IDH3A: variants seen among roughly 807,000 people sequenced by gnomAD.
IDH3A encodes isocitrate dehydrogenase [NAD] subunit alpha, mitochondrial.
Under a neutral mutation model 43.3 loss-of-function variants are expected in IDH3A, and 23 were observed. The ratio of observed to expected loss-of-function variants is 0.53; its 90% confidence interval spans 0.38 to 0.75. IDH3A has a LOEUF of 0.75. IDH3A is among the 30% of genes least tolerant of loss of function. IDH3A has a pLI of 0.00. For synonymous variants in IDH3A, 154 were observed against 163.5 expected, an observed-to-expected ratio of 0.94 and a Z score of 0.44; for missense variants, 329 against 474.4, an observed-to-expected ratio of 0.69 and a Z score of 2.85.
chr15:78,157,467 A>T (rs1470185771), intron 2 of IDH3A, 81 bp from the exon 3 acceptor site: 1 of 963,832 alleles, frequency 1.0e-6, no homozygotes, highest in East Asian at 2.5e-5. Flanking sequence ...CATAAAGTGG[A>T]TTTCTCTGTC....
intron 2 of IDH3A, among the ~76,000 whole-genome samples, chr15:78,156,085 C>T (rs953023155): frequency 2.0e-5 from 3 of 152,086 alleles, no homozygotes; most frequent in African/African-American, 7.2e-5. Context: ...GTTGGGAGAA[C>T]AGGAAGAAGT....
chr15:78,166,490 T>G (rs1378186914), intron 10 of IDH3A, 188 bp downstream of exon 10: 4 of 635,422 alleles, frequency 6.3e-6, no homozygotes, highest in Non-Finnish European at 1.1e-5. Flanking sequence ...TTTTCTGAGG[T>G]GAGGATCTAG....
At position 78,166,194 on chromosome 15, in the gene IDH3A, T is replaced by C; in HGVS notation, c.909T>C (p.Asn303=). 6.2e-7 allele frequency: 1 copy of C among 1,614,196 alleles called. No individual in the cohort carries two copies. Among genetic ancestry groups the C allele is most frequent in the African/African-American group, 1.3e-5 (1 of 75,050 alleles). Residue 303 remains asparagine (N), a synonymous_variant, in exon 10 of 11, where the codon AAT becomes AAC. Transcript: ENST00000299518. ...APDIAGKDMA[N]PTALLLSAVM... ...ACATTGCAGGCAAGGACATGGCGAA[T>C]CCCACAGCCCTCCTGCTCAGTGCCG...
At position 78,166,245 on chromosome 15, in the gene IDH3A, T is replaced by A. The variant is rs2074741480; in HGVS notation, c.960T>A (p.Leu320=). ...SAVMMLRHMG[L]FDHAARIEAA... is the part of the protein sequence containing the mutation. ...TGATGATGCTGCGCCACATGGGACT[T>A]TTTGACCATGCTGCAAGAATTGAGG... Residue 320 remains leucine (L), a synonymous_variant, in exon 10 of 11, where the codon CTT becomes CTA. Transcript: ENST00000299518. The A allele has an allele frequency of 1.9e-6, 3 of 1,614,010 alleles. No homozygotes were observed. Among genetic ancestry groups the A allele is most frequent in the African/African-American group, 1.3e-5 (1 of 74,922 alleles).
intron 2 of IDH3A, 99 bp from the exon 3 acceptor site, chr15:78,157,449 A>T: frequency 1.2e-6 from 1 of 823,498 alleles, no homozygotes; most frequent in Non-Finnish European, 1.9e-6. Context: ...AATCTTCCTG[A>T]GACATCTCAT....
rs139984513 is a variant in IDH3A, at chr15:78,166,209, G to A, written c.924G>A (p.Leu308=). Residue 308 remains leucine, a synonymous_variant, in exon 10 of 11, where the codon CTG becomes CTA. Coordinates refer to ENST00000299518, the MANE Select transcript of IDH3A (RefSeq NM_005530.3). ...GKDMANPTAL[L]LSAVMMLRHM... ...ACATGGCGAATCCCACAGCCCTCCT[G>A]CTCAGTGCCGTGATGATGCTGCGCC... 1 of 1,614,080 alleles carries A rather than the reference G, an allele frequency of 6.2e-7. No individual in the cohort carries two copies. Among genetic ancestry groups the A allele is most frequent in the East Asian group, 2.2e-5 (1 of 44,882 alleles).
intron 1 of IDH3A, among the ~76,000 whole-genome samples, chr15:78,150,360 C>T (rs963364647): frequency 6.6e-6 from 1 of 152,236 alleles, no homozygotes; most frequent in African/African-American, 2.4e-5. Context: ...TACAGGCCAT[C>T]AGGCCTCAAG....
At chr15:78,153,521 G>T (rs1205236258) in intron 1 of IDH3A, among the ~76,000 whole-genome samples, 1 of 152,086 alleles carries the variant, frequency 6.6e-6, no homozygotes, top group Non-Finnish European at 1.5e-5. Context: ...TTTTGGATTT[G>T]GCCCAGTCTT....
chr15:78,155,084 A>G (rs1211164158), intron 1 of IDH3A, 129 bp from the exon 2 acceptor site: 1 of 547,814 alleles, frequency 1.8e-6, no homozygotes, highest in Admixed American at 3.3e-5. Flanking sequence ...TGAGATTTGT[A>G]TTCCTGGGAA....
At chr15:78,155,361 C>T (rs1417115007) in intron 2 of IDH3A, 86 bp downstream of exon 2, 16 of 890,766 alleles carry the variant, frequency 1.8e-5, no homozygotes, top group Non-Finnish European at 2.4e-5. Context: ...AGCATTTTAT[C>T]TCCATTCATT....
At chr15:78,163,978 T>C (rs2074710204) in intron 8 of IDH3A, among the ~76,000 whole-genome samples, 198 bp downstream of exon 8, 1 of 152,196 alleles carries the variant, frequency 6.6e-6, no homozygotes, top group Non-Finnish European at 1.5e-5. Context: ...ATTTGCCAAA[T>C]CATTGCTGGG....
intron 1 of IDH3A, among the ~76,000 whole-genome samples, chr15:78,152,304 G>A (rs1026924163): frequency 1.3e-4 from 19 of 148,618 alleles, no homozygotes; most frequent in African/African-American, 3.7e-4. Context: ...GTGATCCACC[G>A]GCCTCAGCCT....
Position 78,157,938 on chromosome 15 carries a change from T to C in IDH3A, c.174+307T>C, listed in dbSNP as rs145153243. Among the ~76,000 whole-genome samples, 43 of 152,154 alleles carry C rather than the reference T, an allele frequency of 2.8e-4. No homozygotes were observed. In the East Asian group the frequency reaches 4.3e-3, roughly 15 times the overall value. ...TTCACCTCCCAAAGTGCTTGGATTA[T>C]AGGCGTGAGCCACCGCACCTGGCTG... On this transcript the variant is annotated intron_variant, in intron 3 of 10. Transcript: ENST00000299518.
chr15:78,171,082 A>AC lies in IDH3A; in HGVS notation c.*2080dup, dbSNP rs538957030. The AC allele has an allele frequency of 4.5e-5, 8 of 177,116 alleles. No homozygotes were observed. In the East Asian group the frequency reaches 1.1e-3, roughly 24 times the overall value. The allele number at this position is 177,116 out of a possible 1,614,324, so 11.0% of individuals were successfully genotyped here. On this transcript the variant is annotated 3_prime_UTR_variant, in exon 11 of 11. Transcript: ENST00000299518. ...GAGCAGTATCAGCCATCTCTCTCCT[A>AC]CCCGCTCCACAGCCTACTGCTGGCT...
Position 78,168,789 on chromosome 15 carries a change from T to G in IDH3A, c.1018-133T>G, listed in dbSNP as rs552119281. On this transcript the variant is annotated intron_variant, in intron 10 of 10. Transcript: ENST00000299518. The stretch of plus-strand genomic sequence containing the variant: ...GATGGTGGTGGAGTGGTTCCTCACT[T>G]TGAAATGAGGAACTAAATGAAAGAG... 1.2e-4 allele frequency: 77 copies of G among 642,066 alleles called. No individual in the cohort carries two copies. The South Asian group carries it at 1.4e-3, about 12-fold the overall frequency. 39.8% of individuals were successfully genotyped at this position (642,066 alleles called of 1,614,324 possible).
intron 10 of IDH3A, 162 bp from the exon 11 acceptor site, chr15:78,168,760 G>A: frequency 1.6e-6 from 1 of 606,956 alleles, no homozygotes; most frequent in Non-Finnish European, 3.0e-6. Flanking sequence ...TCCTGGGCTG[G>A]GTAGATGGTG....
chr15:78,155,220 G>A lies in IDH3A; in HGVS notation c.35G>A (p.Arg12Gln), dbSNP rs766903515. Residue 12 changes from arginine to glutamine, a missense_variant, in exon 2 of 11, where the codon CGG becomes CAG. This residue lies in a region of IDH3A where 26 missense variants were observed against 17.2 expected (regional missense o/e 1.51). Coordinates refer to ENST00000299518, the MANE Select transcript of IDH3A (RefSeq NM_005530.3). ...CTGTTGATATTAATATAGGTCTCTC[G>A]GCTGCTGGGGGCATTCCACAACCCA... is the stretch of plus-strand genomic sequence containing the variant. ...AGPAWISKVS[R>Q]LLGAFHNPKQ... The A allele has an allele frequency of 6.2e-6, 10 of 1,610,864 alleles. No homozygotes were observed. Among genetic ancestry groups the A allele is most frequent in the African/African-American group, 1.3e-5 (1 of 74,822 alleles).
At position 78,150,237 on chromosome 15, in the gene IDH3A, C is replaced by A. The variant is rs377589108; in HGVS notation, c.27+807C>A. 4.6e-5 allele frequency among the ~76,000 whole-genome samples: 7 copies of A among 152,282 alleles called. No individual in the cohort carries two copies. In the East Asian group the frequency reaches 1.3e-3, roughly 29 times the overall value. ...TTCCGTAGCTTCTCAGTGGAACTAACCTGTGCCTGAAGAAGAATTTGCTCA... is the reference window on the plus strand; with the variant it reads ...TTCCGTAGCTTCTCAGTGGAACTAAACTGTGCCTGAAGAAGAATTTGCTCA... On this transcript the variant is annotated intron_variant, in intron 1 of 10. Transcript: ENST00000299518.
At chr15:78,159,843 A>C in intron 3 of IDH3A, 1 of 369,784 alleles carries the variant, frequency 2.7e-6, no homozygotes. Flanking sequence ...AAATACAAAA[A>C]AATTAGCTGG....
Sources: allele counts gnomAD v4.1 joint callset (sites outside exome capture counted in the v4.1 genomes callset), GRCh38; gene constraint gnomAD v4.1.1; regional missense constraint gnomAD v4.1.1; transcripts MANE v1.5; gene names NCBI Gene and HGNC (gene_info 2026-07-23, HGNC 2026-07-21).